Variants in CDH20 observed in about 807,000 individuals in gnomAD.
CDH20 encodes cadherin-20.
A neutral mutation model predicts 74.2 loss-of-function variants in CDH20; 29 were observed. That is an observed-to-expected ratio of 0.39 (90% confidence interval 0.29 to 0.53). The LOEUF (loss-of-function observed/expected upper bound fraction) is 0.53. Ranked by LOEUF, CDH20 falls within the 20% of genes least tolerant of loss-of-function variation. CDH20 has a pLI of 0.69. For missense variants in CDH20, 988 were observed against 1,048.3 expected (o/e 0.94, Z 0.79); for synonymous variants, 469 against 405.4 (o/e 1.16, Z -1.88).
At position 61,490,550 on chromosome 18, in the gene CDH20, T is replaced by A. The variant is rs750630687; in HGVS notation, c.-4T>A. The A allele has an allele frequency of 1.2e-6, 2 of 1,610,538 alleles. No homozygotes were observed. The highest frequency in any genetic ancestry group is 1.3e-5 in the African/African-American group (1 of 74,876). ...CCTTCATTTTCTGAAAACCTGGCAA[T>A]CCCATGTGGACTTCTGGTAGAATGA... On this transcript the variant is annotated 5_prime_UTR_variant, in exon 2 of 12. Coordinates refer to ENST00000262717, the MANE Select transcript of CDH20 (RefSeq NM_031891.4).
intron 1 of CDH20, among the ~76,000 whole-genome samples, chr18:61,457,161 G>A (rs1189321976): frequency 1.3e-5 from 2 of 151,976 alleles, no homozygotes; most frequent in African/African-American, 4.8e-5. Context: ...TGCATTCCCT[G>A]ATTCTGAAAA....
At chr18:61,553,964 C>G (rs1913525556) in intron 11 of CDH20, among the ~76,000 whole-genome samples, 1 of 152,130 alleles carries the variant, frequency 6.6e-6, no homozygotes, top group African/African-American at 2.4e-5. Context: ...TCTAATTAAA[C>G]CATTTGAAGA....
intron 1 of CDH20, among the ~76,000 whole-genome samples, chr18:61,405,972 CT>C (rs1245166794): frequency 6.6e-6 from 1 of 152,206 alleles, no homozygotes; most frequent in Non-Finnish European, 1.5e-5. Context: ...GCTGAACAAT[CT>C]GAGTCTCCAC....
intron 5 of CDH20, among the ~76,000 whole-genome samples, chr18:61,506,379 G>A (rs934903658): frequency 5.3e-5 from 8 of 152,166 alleles, no homozygotes; most frequent in Non-Finnish European, 7.3e-5. Context: ...CTTCTCCTGC[G>A]CAAGGCAGGG....
intron 1 of CDH20, among the ~76,000 whole-genome samples, chr18:61,432,692 A>T (rs1020737274): frequency 1.3e-5 from 2 of 152,174 alleles, no homozygotes; most frequent in Non-Finnish European, 1.5e-5. Flanking sequence ...GATGGCACAG[A>T]GCTGTGCACA....
chr18:61,551,646 G>C (rs1913436701), intron 11 of CDH20, among the ~76,000 whole-genome samples: 1 of 152,094 alleles, frequency 6.6e-6, no homozygotes, highest in Non-Finnish European at 1.5e-5. Context: ...ACGGTTTCTG[G>C]TCCCTGACTG....
intron 2 of CDH20, among the ~76,000 whole-genome samples, chr18:61,496,638 G>C (rs1054299851): frequency 6.6e-6 from 1 of 152,154 alleles, no homozygotes; most frequent in Non-Finnish European, 1.5e-5. Context: ...CTTAAAGCGC[G>C]CTCACCTGCG....
intron 10 of CDH20, among the ~76,000 whole-genome samples, chr18:61,548,086 T>G (rs1423639146): frequency 6.6e-6 from 1 of 152,196 alleles, no homozygotes; most frequent in Non-Finnish European, 1.5e-5. Context: ...CAAAGTGGAA[T>G]TGATAGTATT....
At chr18:61,430,457 C>T (rs986442003) in intron 1 of CDH20, among the ~76,000 whole-genome samples, 18 of 152,168 alleles carry the variant, frequency 1.2e-4, no homozygotes, top group Middle Eastern at 3.4e-3. Flanking sequence ...CAGTGTTGTC[C>T]GGTTTCTCCA....
rs1266025619 is a variant in CDH20 at position 61,500,448 on chromosome 18, G to A, written c.607G>A (p.Val203Met). The stretch of plus-strand genomic sequence containing the variant: ...CCCGACCTACGGCAACAGTGCCAGG[G>A]TGGTGTACAGCATTCTTCAGGGCCA... ...DDPTYGNSARVVYSILQGQPY... is the reference protein window; with the variant it reads ...DDPTYGNSARMVYSILQGQPY... The change falls in exon 4 of 12, where the codon GTG (valine) becomes ATG (methionine). Residue 203 changes from valine to methionine, a missense_variant. By Grantham distance (21) the Val-to-Met change is conservative (BLOSUM62 1). Around this residue, in one of 2 missense-constraint regions of CDH20, gnomAD observed 613 missense variants for 755.2 expected, o/e 0.81. Transcript: ENST00000262717. 3 of 1,612,966 alleles carry A rather than the reference G, an allele frequency of 1.9e-6. No homozygotes were observed. The highest frequency in any genetic ancestry group is 2.5e-6 in the Non-Finnish European group (3 of 1,179,306).
intron 6 of CDH20, among the ~76,000 whole-genome samples, chr18:61,525,973 T>G (rs1599146779): frequency 6.9e-6 from 1 of 144,266 alleles, no homozygotes; most frequent in South Asian, 2.3e-4. Flanking sequence ...AATTTTTTTT[T>G]TTTTTTTTTT....
At chr18:61,479,287 A>T (rs1451698503) in intron 1 of CDH20, among the ~76,000 whole-genome samples, 1 of 152,110 alleles carries the variant, frequency 6.6e-6, no homozygotes, top group Non-Finnish European at 1.5e-5. Context: ...CCAACCTCAA[A>T]ACCCAATCTC....
At chr18:61,375,946 GTTTT>G (rs1911213332) in intron 1 of CDH20, among the ~76,000 whole-genome samples, 1 of 151,990 alleles carries the variant, frequency 6.6e-6, no homozygotes. Context: ...AATTATTTAA[GTTTT>G]ATTTAAGATT....
intron 6 of CDH20, among the ~76,000 whole-genome samples, chr18:61,521,292 A>G (rs1912198403): frequency 6.6e-6 from 1 of 151,350 alleles, no homozygotes; most frequent in Non-Finnish European, 1.5e-5. Context: ...GAATACTATA[A>G]ACACTTCTAT....
intron 1 of CDH20, among the ~76,000 whole-genome samples, chr18:61,372,387 G>GA (rs1364668338): frequency 1.6e-4 from 24 of 151,920 alleles, no homozygotes; most frequent in South Asian, 8.3e-4. Context: ...ATCAATAAAA[G>GA]AAAAATATTT....
intron 1 of CDH20, among the ~76,000 whole-genome samples, chr18:61,369,561 T>G (rs1159724281): frequency 1.3e-5 from 2 of 152,104 alleles, no homozygotes; most frequent in Non-Finnish European, 2.9e-5. Context: ...GTCTTGTTAC[T>G]GGGTATATAT....
At chr18:61,469,300 C>T (rs75051582) in intron 1 of CDH20, among the ~76,000 whole-genome samples, 1,710 of 151,570 alleles carry the variant, frequency 0.011, 32 homozygotes, top group African/African-American at 0.038. Flanking sequence ...CTCCTCATGT[C>T]GTCTACTTCC....
At chr18:61,468,812 AT>A (rs1402424130) in intron 1 of CDH20, among the ~76,000 whole-genome samples, 1 of 152,342 alleles carries the variant, frequency 6.6e-6, no homozygotes, top group South Asian at 2.1e-4. Context: ...AAAAAGCCAC[AT>A]TTGTATGACT....
In CDH20 at chr18:61,442,989, T is replaced by C. The variant is rs182226453; in HGVS notation, c.-152-47413T>C. 1.4e-3 allele frequency among the ~76,000 whole-genome samples: 220 copies of C among 152,302 alleles called. 1 individual carries two copies. The highest frequency in any genetic ancestry group is 7.6e-4 in the Non-Finnish European group (52 of 68,024). ...CTGTGAGTGAAAGAGCGTACGCATA[T>C]TCATCTTTCCCAGTCTCATCACTGA... On this transcript the variant is annotated intron_variant, in intron 1 of 11. Transcript: ENST00000262717.
Sources: allele counts gnomAD v4.1 joint callset (sites outside exome capture counted in the v4.1 genomes callset), GRCh38; gene constraint gnomAD v4.1.1; regional missense constraint gnomAD v4.1.1; transcripts MANE v1.5; gene names NCBI Gene and HGNC (gene_info 2026-07-23, HGNC 2026-07-21).